The following MED27 variants were observed in gnomAD, a reference collection of about 807,000 sequenced individuals.
MED27 encodes the protein mediator complex subunit 27.
MED27 carries 30 observed loss-of-function variants against 38.2 expected under a neutral mutation model. The observed-to-expected ratio is 0.79, with a 90% confidence interval of 0.59 to 1.07. MED27 has a LOEUF of 1.07. Ranked by LOEUF, MED27 falls within the 50% of genes least tolerant of loss-of-function variation. The pLI is 0.00. For missense variants in MED27, 289 were observed against 397.5 expected, an observed-to-expected ratio of 0.73 and a Z score of 2.32; for synonymous variants, 122 against 153.5, an observed-to-expected ratio of 0.79 and a Z score of 1.52.
At chr9:131,959,313 T>C (rs1250533762) in intron 3 of MED27, among the ~76,000 whole-genome samples, 1 of 152,110 alleles carries the variant, frequency 6.6e-6, no homozygotes, top group African/African-American at 2.4e-5. Context: ...ACAACACACA[T>C]GTATACCCGC....
chr9:132,005,388 C>T (rs1832336723), intron 3 of MED27, among the ~76,000 whole-genome samples: 2 of 152,184 alleles, frequency 1.3e-5, no homozygotes, highest in South Asian at 4.1e-4. Context: ...TTCTCTGTTC[C>T]TGTGTGAGTC....
chr9:131,869,434 T>G (rs1838791355), intron 6 of MED27: 1 of 977,100 alleles, frequency 1.0e-6, no homozygotes, highest in Admixed American at 6.2e-5. Context: ...TTAAATCCAC[T>G]CTGTGGCAGC....
At chr9:132,016,185 C>G (rs747436033) in intron 2 of MED27, among the ~76,000 whole-genome samples, 2 of 152,228 alleles carry the variant, frequency 1.3e-5, no homozygotes, top group Non-Finnish European at 2.9e-5. Context: ...GGGCTGCATG[C>G]AAATAGAGAG....
chr9:131,869,302 C>T (rs1838788184), intron 6 of MED27: 2 of 985,204 alleles, frequency 2.0e-6, no homozygotes, highest in Non-Finnish European at 2.4e-6. Context: ...CAAAGCACTC[C>T]ACCTTCAATA....
At chr9:132,033,266 T>C (rs981478355) in intron 2 of MED27, among the ~76,000 whole-genome samples, 3 of 152,320 alleles carry the variant, frequency 2.0e-5, no homozygotes, top group Middle Eastern at 3.4e-3. Context: ...ACATACAATA[T>C]ATAAATCACG....
chr9:131,874,161 C>T (rs1238672201), intron 6 of MED27, among the ~76,000 whole-genome samples: 1 of 152,224 alleles, frequency 6.6e-6, no homozygotes, highest in South Asian at 2.1e-4. Context: ...CGCCCCAACA[C>T]GTTTTCCTGG....
chr9:131,923,517 T>C (rs1830433182), intron 4 of MED27, among the ~76,000 whole-genome samples: 1 of 152,206 alleles, frequency 6.6e-6, no homozygotes, highest in Admixed American at 6.5e-5. Flanking sequence ...CCCTCTCCTA[T>C]CCCCTAAGGC....
At chr9:132,015,360 C>A (rs554366417) in intron 2 of MED27, among the ~76,000 whole-genome samples, 5 of 152,302 alleles carry the variant, frequency 3.3e-5, no homozygotes, top group Non-Finnish European at 5.9e-5. Context: ...GATCCCTGGA[C>A]AAACTGCTGA....
chr9:132,047,421 C>T (rs1017072072), intron 2 of MED27, among the ~76,000 whole-genome samples: 12 of 144,674 alleles, frequency 8.3e-5, no homozygotes, highest in African/African-American at 2.3e-4. Context: ...TTTTAAAATG[C>T]TTCATTTCAT....
At position 132,079,647 on chromosome 9, in the gene MED27, G is replaced by T; in HGVS notation, c.198C>A (p.Asp66Glu). 6.2e-7 allele frequency: 1 copy of T among 1,612,400 alleles called. No individual in the cohort carries two copies. Among genetic ancestry groups the T allele is most frequent in the Non-Finnish European group, 8.5e-7 (1 of 1,179,856 alleles). Residue 66 changes from aspartate to glutamate, a missense_variant, in exon 1 of 8, where the codon GAC becomes GAA. By Grantham distance (45) the Asp-to-Glu change is conservative (BLOSUM62 2). Transcript: ENST00000292035. ...CCCCTTCAGCCGGTACCTACTTGAG[G>T]TCCCGGTTGACCGAATGTAAGTTGT... ...FQDNLHSVNR[D>E]LNELERLSNL...
At chr9:132,041,178 C>T (rs1833201690) in intron 2 of MED27, among the ~76,000 whole-genome samples, 1 of 152,228 alleles carries the variant, frequency 6.6e-6, no homozygotes, top group African/African-American at 2.4e-5. Context: ...CTGTGTCCCT[C>T]AGCACCTAAT....
intron 2 of MED27, among the ~76,000 whole-genome samples, chr9:132,018,922 A>T (rs528981516): frequency 6.6e-6 from 1 of 152,100 alleles, no homozygotes; most frequent in African/African-American, 2.4e-5. Flanking sequence ...TTTTTTTTTT[A>T]AATCACTTTG....
chr9:131,993,540 C>T (rs1056050888), intron 3 of MED27, among the ~76,000 whole-genome samples: 25 of 152,188 alleles, frequency 1.6e-4, no homozygotes, highest in African/African-American at 6.0e-4. Context: ...CACTGATTCT[C>T]AGAGACCTGA....
At chr9:132,069,307 T>C (rs1389694259) in intron 2 of MED27, among the ~76,000 whole-genome samples, 1 of 151,690 alleles carries the variant, frequency 6.6e-6, no homozygotes, top group Non-Finnish European at 1.5e-5. Flanking sequence ...GTTCCTGCTC[T>C]TTTACAGAAA....
chr9:131,952,657 G>C (rs911508296), intron 3 of MED27, among the ~76,000 whole-genome samples: 2 of 150,514 alleles, frequency 1.3e-5, no homozygotes, highest in African/African-American at 4.8e-5. Flanking sequence ...AGTGAGGTCA[G>C]GGTATTTATC....
At chr9:132,007,831 T>A (rs1832389466) in intron 3 of MED27, among the ~76,000 whole-genome samples, 2 of 152,038 alleles carry the variant, frequency 1.3e-5, no homozygotes, top group South Asian at 4.2e-4. Context: ...GGAGCACGAA[T>A]AGCTCACCCC....
chr9:132,053,609 A>G (rs57170478), intron 2 of MED27, among the ~76,000 whole-genome samples: 2,449 of 152,316 alleles, frequency 0.016, 52 homozygotes, highest in African/African-American at 0.056. Context: ...ACATGAAACA[A>G]CATGCCTGGA....
rs74474907 is a variant in MED27 at position 131,887,261 on chromosome 9, T to C, written c.682-3162A>G. Among the ~76,000 whole-genome samples the C allele has an allele frequency of 2.5e-4, 38 of 152,334 alleles. No individual in the cohort carries two copies. The East Asian group carries it at 5.6e-3, about 22-fold the overall frequency. On this transcript the variant is annotated intron_variant, in intron 5 of 7. Transcript: ENST00000292035. ...TGAAAACATGGCCTCTCCAGCCTCA[T>C]TGTGGATTCTCAAAACACACCACAT...
chr9:131,976,558 C>A (rs373982204), intron 3 of MED27, among the ~76,000 whole-genome samples: 1 of 152,156 alleles, frequency 6.6e-6, no homozygotes, highest in South Asian at 2.1e-4. Context: ...TATTACTAAT[C>A]CAATCTCCCA....
Sources: gnomAD v4.1 joint callset for allele counts (sites outside exome capture counted in the v4.1 genomes callset) on GRCh38, gnomAD v4.1.1 for gene constraint, MANE v1.5 for transcripts, NCBI Gene and HGNC (gene_info 2026-07-23, HGNC 2026-07-21) for gene names.